The following RBM4B variants were observed in gnomAD, a reference collection of about 807,000 sequenced individuals.
RBM4B encodes the protein RNA binding motif protein 4B.
In RBM4B, 13 loss-of-function variants were observed where a neutral mutation model predicts 28.5. That is an observed-to-expected ratio of 0.46 (90% CI 0.30 to 0.72). The LOEUF (loss-of-function observed/expected upper bound fraction) is 0.72, where lower values mean the gene tolerates loss of function less well. RBM4B is among the 30% of genes least tolerant of loss of function. RBM4B has a pLI of 0.09. For missense variants in RBM4B, 387 were observed against 477.6 expected, an observed-to-expected ratio of 0.81 and a Z score of 1.77; for synonymous variants, 167 against 179.1, an observed-to-expected ratio of 0.93 and a Z score of 0.54.
chr11:66,670,823 ATGG>A, intron 2 of RBM4B: 1 of 627,574 alleles, frequency 1.6e-6, no homozygotes. Flanking sequence ...AAAAAAAAAA[ATGG>A]AAAACGCAGT....
chr11:66,667,741 T>G, intron 3 of RBM4B: 1 of 151,960 alleles, frequency 6.6e-6, no homozygotes, highest in East Asian at 1.9e-4. Context: ...TCTCACTCTG[T>G]TGCCCAGGCT....
chr11:66,676,341 TTATCC>T, intron 2 of RBM4B: 1 of 475,794 alleles, frequency 2.1e-6, no homozygotes, highest in Non-Finnish European at 3.7e-6. Flanking sequence ...CCACGGACCT[TTATCC>T]TCCCTTCTCT....
rs1565097637 is a variant in RBM4B at position 66,677,016 on chromosome 11, A to T, written c.64T>A (p.Phe22Ile). Reference protein sequence around the residue: ...EATEQEIRSLFEQYGKVLECD... With the variant: ...EATEQEIRSLIEQYGKVLECD... ...TCCAGCACCTTCCCATACTGCTCGA[A>T]GAGTGAGCGAATCTCCTGCTCTGTA... is the stretch of plus-strand genomic sequence containing the variant. The change falls in exon 2 of 4, where the codon TTC becomes ATC. Residue 22 changes from phenylalanine (F) to isoleucine (I), a missense_variant. Phe to Ile is a conservative substitution (Grantham distance 21). Transcript: ENST00000310046. The T allele has an allele frequency of 6.2e-7, 1 of 1,614,136 alleles. No individual in the cohort carries two copies. Among genetic ancestry groups the T allele is most frequent in the Non-Finnish European group, 8.5e-7 (1 of 1,180,012 alleles).
At chr11:66,669,387 CAT>C in intron 2 of RBM4B, 96 bp from the exon 3 acceptor site, 1 of 1,141,796 alleles carries the variant, frequency 8.8e-7, no homozygotes, top group South Asian at 1.4e-5. Context: ...TCATAAGACA[CAT>C]AGACGCACAC....
intron 2 of RBM4B, among the ~76,000 whole-genome samples, chr11:66,672,621 G>A (rs985961076): frequency 9.3e-5 from 14 of 150,818 alleles, no homozygotes; most frequent in Non-Finnish European, 1.8e-4. Context: ...TCAGCCTCCC[G>A]AGTAGCTGGG....
At chr11:66,677,735 C>T (rs913000667) in intron 1 of RBM4B, 29 bp downstream of exon 1, 12 of 153,244 alleles carry the variant, frequency 7.8e-5, no homozygotes, top group African/African-American at 2.2e-4. Context: ...CCGAGCTCCC[C>T]ACATCACACA....
intron 2 of RBM4B, chr11:66,671,003 T>A: frequency 1.4e-6 from 1 of 702,580 alleles, no homozygotes; most frequent in Admixed American, 2.0e-5. Flanking sequence ...ATAGCCCTAT[T>A]GAGGACGGCA....
Position 66,665,645 on chromosome 11 carries a change from C to T in RBM4B, c.*10-67G>A, listed in dbSNP as rs903121015. The stretch of plus-strand genomic sequence containing the variant: ...AGAGCAGCCTGGCTCCGCGTACAAG[C>T]GCCCTGGGTCCTGTCCTGTATTCCG... On this transcript the variant is annotated intron_variant, in intron 3 of 3. Transcript: ENST00000310046. 1.2e-5 allele frequency: 18 copies of T among 1,534,546 alleles called. 1 individual carries two copies. In the East Asian group the frequency reaches 1.5e-4, roughly 13 times the overall value.
At chr11:66,676,303 C>A in intron 2 of RBM4B, 1 of 406,892 alleles carries the variant, frequency 2.5e-6, no homozygotes, top group Non-Finnish European at 4.4e-6. Flanking sequence ...TATAAGGCTT[C>A]CTGATCATCA....
chr11:66,676,789 C>T lies in RBM4B; in HGVS notation c.291G>A (p.Lys97=), dbSNP rs369237164. 1.8e-5 allele frequency: 29 copies of T among 1,614,066 alleles called. No homozygotes were observed. Among genetic ancestry groups the T allele is most frequent in the Non-Finnish European group, 2.4e-5 (28 of 1,180,050 alleles). ...CGATGACCGGACCATACTCCTCAAA[C>T]TTGGCTCGAAGCTCTTGGTTGGTAC... is the stretch of plus-strand genomic sequence containing the variant. ...PTCTNQELRA[K]FEEYGPVIEC... Residue 97 remains lysine (K), a synonymous_variant, in exon 2 of 4, where the codon AAG becomes AAA. Coordinates refer to ENST00000310046, the MANE Select transcript of RBM4B (RefSeq NM_031492.4).
intron 2 of RBM4B, among the ~76,000 whole-genome samples, chr11:66,671,196 T>C (rs189619517): frequency 3.3e-5 from 5 of 152,290 alleles, no homozygotes; most frequent in Admixed American, 2.0e-4. Context: ...CTATCACCAA[T>C]AGAGTCAGCA....
intron 3 of RBM4B, chr11:66,666,478 C>A (rs1383892770): frequency 1.0e-6 from 1 of 984,948 alleles, no homozygotes; most frequent in Non-Finnish European, 1.2e-6. Flanking sequence ...TTATTCAGTC[C>A]ATTTGAGGTT....
chr11:66,665,312 A>C lies in RBM4B; in HGVS notation c.*276T>G. 2.0e-6 allele frequency: 1 copy of C among 509,312 alleles called. No individual in the cohort carries two copies. Among genetic ancestry groups the C allele is most frequent in the Non-Finnish European group, 3.5e-6 (1 of 285,066 alleles). 31.5% of individuals were successfully genotyped at this position (509,312 alleles called of 1,614,324 possible). A position where few individuals can be genotyped will look rare whatever the true frequency, so the allele number is the denominator to read the frequency against. On this transcript the variant is annotated 3_prime_UTR_variant, in exon 4 of 4. Transcript: ENST00000310046. Reference sequence around the variant, plus strand: ...AGCAAGATAAGAGGGGTTCCACTGCACAGGAAAAAGGGGATGCCAGCATAA... The same window carrying C: ...AGCAAGATAAGAGGGGTTCCACTGCCCAGGAAAAAGGGGATGCCAGCATAA...
chr11:66,673,120 A>G (rs2135245879), intron 2 of RBM4B, among the ~76,000 whole-genome samples: 1 of 152,264 alleles, frequency 6.6e-6, no homozygotes, highest in South Asian at 2.1e-4. Context: ...CATGATCCAG[A>G]AAAGACTGGG....
At chr11:66,667,671 G>A (rs1939285894) in intron 3 of RBM4B, 1 of 150,826 alleles carries the variant, frequency 6.6e-6, no homozygotes, top group Admixed American at 6.6e-5. Context: ...AGTTTCCTTT[G>A]ACAAAGGACA....
intron 3 of RBM4B, chr11:66,665,844 T>A (rs1482246488): frequency 6.6e-7 from 1 of 1,521,778 alleles, no homozygotes; most frequent in African/African-American, 1.4e-5. Flanking sequence ...ATCTTTCTTA[T>A]CCATCTTTTA....
At chr11:66,673,592 G>A (rs1361288938) in intron 2 of RBM4B, among the ~76,000 whole-genome samples, 6 of 152,158 alleles carry the variant, frequency 3.9e-5, no homozygotes, top group East Asian at 1.9e-4. Flanking sequence ...CTGAGTAGCC[G>A]GGATTACAGG....
intron 2 of RBM4B, among the ~76,000 whole-genome samples, chr11:66,673,561 T>A (rs1565095753): frequency 6.6e-6 from 1 of 152,178 alleles, no homozygotes; most frequent in Non-Finnish European, 1.5e-5. Flanking sequence ...TGGGTTCAAG[T>A]GATTCTCCTG....
At chr11:66,671,102 A>G in intron 2 of RBM4B, 2 of 691,176 alleles carry the variant, frequency 2.9e-6, no homozygotes. Context: ...CCCAATGTCA[A>G]AGAGTCCTAT....
Sources: allele counts gnomAD v4.1 joint callset (sites outside exome capture counted in the v4.1 genomes callset), GRCh38; gene constraint gnomAD v4.1.1; transcripts MANE v1.5; gene names NCBI Gene and HGNC (gene_info 2026-07-23, HGNC 2026-07-21).